The following SOX6 variants were observed in gnomAD, a reference collection of about 807,000 sequenced individuals.
The protein encoded by SOX6 is SRY-box transcription factor 6, also known as transcription factor SOX-6.
SOX6 carries 11 observed loss-of-function variants against 97.8 expected under a neutral mutation model. The ratio of observed to expected loss-of-function variants is 0.11; its 90% confidence interval spans 0.07 to 0.19. SOX6 has a LOEUF of 0.19. Ranked by LOEUF, SOX6 falls within the 10% of genes least tolerant of loss-of-function variation. The probability of loss-of-function intolerance (pLI) is 1.00; values close to 1 mark genes in which losing one functional copy is unlikely to be tolerated. For synonymous variants in SOX6, 360 were observed against 371.4 expected, an observed-to-expected ratio of 0.97 and a Z score of 0.35; for missense variants, 810 against 1,039.5, an observed-to-expected ratio of 0.78 and a Z score of 3.04.
chr11:16,665,442 A>G (rs10766338), intron 3 of SOX6, among the ~76,000 whole-genome samples: 25,132 of 151,866 alleles, frequency 0.17, 2,708 homozygotes, highest in East Asian at 0.31. Flanking sequence ...ATGGGGAAAA[A>G]CTCCTCTGCT....
intron 9 of SOX6, among the ~76,000 whole-genome samples, chr11:16,060,029 C>T (rs1345370740): frequency 6.6e-6 from 1 of 151,866 alleles, no homozygotes; most frequent in Non-Finnish European, 1.5e-5. Flanking sequence ...GCTAACAGTC[C>T]TTGGTTATCA....
intron 2 of SOX6, among the ~76,000 whole-genome samples, chr11:16,324,996 G>A (rs929824415): frequency 2.6e-5 from 4 of 151,964 alleles, no homozygotes; most frequent in African/African-American, 9.7e-5. Flanking sequence ...CTACTGTTTG[G>A]TAGCACATTA....
At chr11:16,446,922 T>C (rs79693621) in intron 1 of SOX6, among the ~76,000 whole-genome samples, 2 of 149,418 alleles carry the variant, frequency 1.3e-5, no homozygotes, top group African/African-American at 4.9e-5. Flanking sequence ...CCTTCTTTCT[T>C]TCTTTCTGTT....
rs774548059 is a variant in SOX6, at chr11:16,015,039, G to C, written c.1635C>G (p.Arg545=). The change falls in exon 13 of 16, where the codon CGC becomes CGG. Residue 545 remains arginine, a synonymous_variant. Transcript: ENST00000683767. The part of the protein sequence containing the change: ...NSCRNEKERT[R]FENLGPQLTG... ...TTAACTGGGGCCCCAAATTCTCAAAGCGCGTTCTTTCCTAGAGGAACAAAT... is the reference window on the plus strand; with the variant it reads ...TTAACTGGGGCCCCAAATTCTCAAACCGCGTTCTTTCCTAGAGGAACAAAT... The C allele has an allele frequency of 6.2e-7, 1 of 1,612,670 alleles. No homozygotes were observed. Among genetic ancestry groups the C allele is most frequent in the Non-Finnish European group, 8.5e-7 (1 of 1,179,186 alleles).
chr11:16,233,938 C>G (rs1852934428), intron 4 of SOX6, among the ~76,000 whole-genome samples: 1 of 144,856 alleles, frequency 6.9e-6, no homozygotes, highest in African/African-American at 2.6e-5. Flanking sequence ...ACCTGGGAGG[C>G]AGAGGTTGCA....
At chr11:16,013,624 CTT>C (rs909423718) in intron 13 of SOX6, among the ~76,000 whole-genome samples, 1 of 151,908 alleles carries the variant, frequency 6.6e-6, no homozygotes, top group African/African-American at 2.4e-5. Context: ...CTTCCTTTCT[CTT>C]CTCTTCCCCT....
At chr11:16,414,399 G>T (rs1230655056) in intron 1 of SOX6, among the ~76,000 whole-genome samples, 1 of 152,102 alleles carries the variant, frequency 6.6e-6, no homozygotes, top group Non-Finnish European at 1.5e-5. Context: ...CTAAATGTAA[G>T]AAAAGCAATG....
At chr11:16,402,178 A>G (rs1858577289) in intron 1 of SOX6, among the ~76,000 whole-genome samples, 1 of 151,632 alleles carries the variant, frequency 6.6e-6, no homozygotes, top group Non-Finnish European at 1.5e-5. Context: ...TCCTCTGTAT[A>G]CAAACCCACA....
chr11:16,492,822 G>A (rs1413823603), intron 4 of SOX6, among the ~76,000 whole-genome samples: 1 of 151,918 alleles, frequency 6.6e-6, no homozygotes, highest in African/African-American at 2.4e-5. Context: ...AACCAAAAAC[G>A]GATTCATAAA....
intron 4 of SOX6, among the ~76,000 whole-genome samples, chr11:16,199,656 A>T (rs1851880733): frequency 6.6e-6 from 1 of 152,228 alleles, no homozygotes; most frequent in South Asian, 2.1e-4. Flanking sequence ...AGTGATATTA[A>T]AAGGCACACT....
intron 4 of SOX6, among the ~76,000 whole-genome samples, chr11:16,513,710 G>A (rs1008335101): frequency 1.3e-5 from 2 of 152,156 alleles, no homozygotes; most frequent in Non-Finnish European, 2.9e-5. Flanking sequence ...TAATGTTGCT[G>A]AGAAGATGTT....
At chr11:16,374,871 T>G (rs1262296450) in intron 1 of SOX6, among the ~76,000 whole-genome samples, 1 of 152,048 alleles carries the variant, frequency 6.6e-6, no homozygotes, top group Non-Finnish European at 1.5e-5. Flanking sequence ...CATTCTCTCT[T>G]TCCCATCTCA....
intron 13 of SOX6, among the ~76,000 whole-genome samples, chr11:15,996,471 G>C (rs574771550): frequency 2.0e-5 from 3 of 151,772 alleles, no homozygotes; most frequent in Admixed American, 2.0e-4. Flanking sequence ...TCTACAAAAG[G>C]TTAAAAAATT....
intron 4 of SOX6, among the ~76,000 whole-genome samples, chr11:16,548,353 A>G (rs896803609): frequency 3.9e-5 from 6 of 152,180 alleles, no homozygotes; most frequent in Admixed American, 1.3e-4. Flanking sequence ...AATGGTAACT[A>G]TAAGGGAAAC....
At chr11:16,031,727 G>A (rs994668269) in intron 12 of SOX6, among the ~76,000 whole-genome samples, 24 of 151,810 alleles carry the variant, frequency 1.6e-4, no homozygotes, top group Non-Finnish European at 2.6e-4. Context: ...GAGGGAGGGT[G>A]GAAAAATAAG....
chr11:16,309,499 A>G (rs1855535043), intron 3 of SOX6, among the ~76,000 whole-genome samples: 1 of 152,180 alleles, frequency 6.6e-6, no homozygotes, highest in African/African-American at 2.4e-5. Flanking sequence ...AACTATTTTA[A>G]AACAAAAAAG....
chr11:16,074,968 T>C (rs951105298), intron 9 of SOX6, among the ~76,000 whole-genome samples: 4 of 152,086 alleles, frequency 2.6e-5, no homozygotes, highest in Non-Finnish European at 5.9e-5. Context: ...CTACAAACTA[T>C]ACTACAAGGC....
At chr11:16,161,309 G>T (rs1333465874) in intron 6 of SOX6, among the ~76,000 whole-genome samples, 1 of 148,702 alleles carries the variant, frequency 6.7e-6, no homozygotes, top group Non-Finnish European at 1.5e-5. Flanking sequence ...ATTTGACAAT[G>T]AATTTGATAT....
At chr11:16,622,170 G>A (rs1344265824) in intron 3 of SOX6, among the ~76,000 whole-genome samples, 1 of 152,076 alleles carries the variant, frequency 6.6e-6, no homozygotes, top group East Asian at 1.9e-4. Flanking sequence ...TGACCCAAAG[G>A]CAATCACTGT....
Sources: allele counts gnomAD v4.1 joint callset (sites outside exome capture counted in the v4.1 genomes callset), GRCh38; gene constraint gnomAD v4.1.1; transcripts MANE v1.5; gene names NCBI Gene and HGNC (gene_info 2026-07-23, HGNC 2026-07-21).